The following MYBL2 variants were observed in gnomAD, a reference collection of about 807,000 sequenced individuals.
MYBL2 encodes myb-related protein B.
A neutral mutation model predicts 79.9 loss-of-function variants in MYBL2; 28 were observed. The ratio of observed to expected loss-of-function variants is 0.35; its 90% CI spans 0.26 to 0.48. MYBL2 has a LOEUF of 0.48. MYBL2 is among the 20% of genes least tolerant of loss of function. The pLI is 0.99. For synonymous variants in MYBL2, 378 were observed against 361.2 expected, an observed-to-expected ratio of 1.05 and a Z score of -0.53; for missense variants, 735 against 893.9, an observed-to-expected ratio of 0.82 and a Z score of 2.27.
At chr20:43,703,097 A>G (rs1987709856) in intron 8 of MYBL2, among the ~76,000 whole-genome samples, 194 bp downstream of exon 8, 1 of 152,194 alleles carries the variant, frequency 6.6e-6, no homozygotes, top group South Asian at 2.1e-4. Flanking sequence ...GGTGCTGCAT[A>G]TGTGTATCTA....
chr20:43,693,862 G>A (rs1987471740), intron 6 of MYBL2, among the ~76,000 whole-genome samples: 1 of 152,020 alleles, frequency 6.6e-6, no homozygotes, highest in African/African-American at 2.4e-5. Context: ...ACCAGCTTGG[G>A]CAACATGGTG....
chr20:43,686,272 C>G (rs1016779361), intron 4 of MYBL2, among the ~76,000 whole-genome samples: 5 of 151,908 alleles, frequency 3.3e-5, no homozygotes, highest in Non-Finnish European at 7.4e-5. Flanking sequence ...CTTGTGGCTG[C>G]GTATGTTGTG....
intron 2 of MYBL2, among the ~76,000 whole-genome samples, chr20:43,679,638 G>C (rs1987099348): frequency 6.6e-6 from 1 of 152,014 alleles, no homozygotes; most frequent in African/African-American, 2.4e-5. Flanking sequence ...CAACTTGGTG[G>C]GTCACGGTGG....
Position 43,700,241 on chromosome 20 carries a change from G to A in MYBL2, c.951+197G>A, listed in dbSNP as rs146399594. ...CAGTCCCTATCCTTGGGGAGCTCCCGGTGTGTGCAGCAGGAGTTTGTGGTG... is the reference window on the plus strand; with the variant it reads ...CAGTCCCTATCCTTGGGGAGCTCCCAGTGTGTGCAGCAGGAGTTTGTGGTG... On this transcript the variant is annotated intron_variant, in intron 7 of 13. Transcript: ENST00000217026. Among the ~76,000 whole-genome samples the A allele has an allele frequency of 1.5e-3, 221 of 152,286 alleles. 1 individual carries two copies. Among genetic ancestry groups the A allele is most frequent in the African/African-American group, 2.1e-3 (86 of 41,572 alleles).
intron 6 of MYBL2, among the ~76,000 whole-genome samples, chr20:43,692,592 C>T (rs1019057101): frequency 1.1e-4 from 17 of 152,080 alleles, no homozygotes; most frequent in African/African-American, 4.1e-4. Context: ...ACCTTCTTAC[C>T]TGTTGCTCAT....
At chr20:43,706,924 C>CT (rs1568876577) in intron 9 of MYBL2, among the ~76,000 whole-genome samples, 1 of 151,350 alleles carries the variant, frequency 6.6e-6, no homozygotes, top group African/African-American at 2.4e-5. Context: ...CCGTGTTGGT[C>CT]AGGCTGGTCT....
chr20:43,704,783 G>A (rs556139745), intron 8 of MYBL2, among the ~76,000 whole-genome samples: 1 of 152,270 alleles, frequency 6.6e-6, no homozygotes, highest in South Asian at 2.1e-4. Flanking sequence ...TTATTTGTGT[G>A]AAGTGCTTAG....
intron 3 of MYBL2, 37 bp downstream of exon 3, chr20:43,681,892 A>G (rs749863573): frequency 2.5e-6 from 4 of 1,605,668 alleles, no homozygotes; most frequent in East Asian, 2.2e-5. Flanking sequence ...CCTCGGGGCA[A>G]GGGCTCTGGG....
chr20:43,667,381 T>C (rs1600537476), intron 1 of MYBL2, 78 bp downstream of exon 1: 1 of 859,064 alleles, frequency 1.2e-6, no homozygotes. Context: ...CCCCCGACCC[T>C]CCCCAGGCTC....
Position 43,705,335 on chromosome 20 carries a change from A to G in MYBL2, c.1482A>G (p.Thr494=). Reference sequence around the variant, plus strand: ...CCACACCACTGCACCGGGACAAGACACCCCTGCACCAGAAACATGCTGCGT... The same window carrying G: ...CCACACCACTGCACCGGGACAAGACGCCCCTGCACCAGAAACATGCTGCGT... ...VVTTPLHRDK[T]PLHQKHAAFV... Residue 494 remains threonine (T), a synonymous_variant, in exon 9 of 14, where the codon ACA becomes ACG. Coordinates refer to ENST00000217026, the MANE Select transcript of MYBL2 (RefSeq NM_002466.4). 1 of 1,612,424 alleles carries G rather than the reference A, an allele frequency of 6.2e-7. No individual in the cohort carries two copies. Among genetic ancestry groups the G allele is most frequent in the Non-Finnish European group, 8.5e-7 (1 of 1,179,310 alleles).
chr20:43,690,643 T>G (rs1172195855), intron 5 of MYBL2, among the ~76,000 whole-genome samples: 2 of 152,220 alleles, frequency 1.3e-5, no homozygotes, highest in Non-Finnish European at 2.9e-5. Flanking sequence ...GGATATTCTC[T>G]TAGACTGGGT....
Position 43,709,983 on chromosome 20 carries a change from A to C in MYBL2, c.1526A>C (p.Lys509Thr), listed in dbSNP as rs1987870081. 6.2e-7 allele frequency: 1 copy of C among 1,608,514 alleles called. No homozygotes were observed. Among genetic ancestry groups the C allele is most frequent in the Non-Finnish European group, 8.5e-7 (1 of 1,177,464 alleles). Reference sequence around the variant, plus strand: ...GGCAGGTTTGTAACCCCAGATCAGAAGTACTCCATGGACAACACTCCCCAC... The same window carrying C: ...GGCAGGTTTGTAACCCCAGATCAGACGTACTCCATGGACAACACTCCCCAC... Reference protein sequence around the residue: ...KHAAFVTPDQKYSMDNTPHTP... With the variant: ...KHAAFVTPDQTYSMDNTPHTP... The change falls in exon 10 of 14, where the codon AAG (lysine) becomes ACG (threonine). Residue 509 changes from lysine to threonine, a missense_variant. By Grantham distance (78) the Lys-to-Thr change is moderately conservative. Around this residue, in one of 5 missense-constraint regions of MYBL2, gnomAD observed 243 missense variants for 327.2 expected, o/e 0.74. Coordinates refer to ENST00000217026, the MANE Select transcript of MYBL2 (RefSeq NM_002466.4).
At position 43,716,081 on chromosome 20, in the gene MYBL2, G is replaced by T; in HGVS notation, c.2097G>T (p.Leu699Phe). 1 of 1,606,770 alleles carries T rather than the reference G, an allele frequency of 6.2e-7. No individual in the cohort carries two copies. ...KPSHTSRTLI[L>F]S The stretch of plus-strand genomic sequence containing the variant: ...GCCACACATCTCGGACCCTCATCTT[G>T]TCCTGAGGTGTTGAGGGTGTCACGA... The change falls in exon 14 of 14, where the codon TTG (leucine) becomes TTT (phenylalanine). Residue 699 changes from leucine (L) to phenylalanine (F), a missense_variant. Coordinates refer to ENST00000217026, the MANE Select transcript of MYBL2 (RefSeq NM_002466.4).
Position 43,702,768 on chromosome 20 carries a change from C to T in MYBL2, c.1230C>T (p.Leu410=). The stretch of plus-strand genomic sequence containing the variant: ...GCATTGGCACACCGCCCTCTGTGCT[C>T]AAGCGGCAGAGGAAGAGGCGTGTGG... The part of the protein sequence containing the change: ...GSGIGTPPSV[L]KRQRKRRVAL... The change falls in exon 8 of 14, where the codon CTC becomes CTT. Residue 410 remains leucine, a synonymous_variant. Coordinates refer to ENST00000217026, the MANE Select transcript of MYBL2 (RefSeq NM_002466.4). 1 of 1,614,224 alleles carries T rather than the reference C, an allele frequency of 6.2e-7. No homozygotes were observed. The highest frequency in any genetic ancestry group is 8.5e-7 in the Non-Finnish European group (1 of 1,180,054).
At chr20:43,684,534 C>CTTTT (rs752809652) in intron 4 of MYBL2, among the ~76,000 whole-genome samples, 7 of 136,196 alleles carry the variant, frequency 5.1e-5, no homozygotes, top group African/African-American at 1.4e-4. Flanking sequence ...TGTGCCCGGC[C>CTTTT]TTTTTTTTTT....
chr20:43,684,671 C>T (rs936602426), intron 4 of MYBL2, among the ~76,000 whole-genome samples: 1 of 151,620 alleles, frequency 6.6e-6, no homozygotes, highest in Non-Finnish European at 1.5e-5. Context: ...CCATGGCTGG[C>T]ACTTCGCCTT....
At chr20:43,693,036 C>T (rs1987450068) in intron 6 of MYBL2, among the ~76,000 whole-genome samples, 1 of 152,014 alleles carries the variant, frequency 6.6e-6, no homozygotes, top group South Asian at 2.1e-4. Flanking sequence ...ATTACATTTG[C>T]AGGCTGTTTT....
chr20:43,692,582 A>G (rs3117537), intron 6 of MYBL2, among the ~76,000 whole-genome samples: 138,282 of 152,170 alleles, frequency 0.91, 62,932 homozygotes, highest in South Asian at 0.93. Context: ...GCTGGTGGCC[A>G]CCTTCTTACC....
chr20:43,691,512 C>T (rs959936164), intron 5 of MYBL2, among the ~76,000 whole-genome samples: 4 of 150,258 alleles, frequency 2.7e-5, no homozygotes, highest in African/African-American at 4.9e-5. Flanking sequence ...GGATTACAGG[C>T]GTGAGCCACT....
Sources: allele counts gnomAD v4.1 joint callset (sites outside exome capture counted in the v4.1 genomes callset), GRCh38; gene constraint gnomAD v4.1.1; regional missense constraint gnomAD v4.1.1; transcripts MANE v1.5; gene names NCBI Gene and HGNC (gene_info 2026-07-23, HGNC 2026-07-21).